The following PALLD variants were observed in gnomAD, a reference collection of about 807,000 sequenced individuals.
PALLD encodes the protein palladin.
A neutral mutation model predicts 123.5 loss-of-function variants in PALLD; 61 were observed. The ratio of observed to expected loss-of-function variants is 0.49; its 90% confidence interval spans 0.40 to 0.61. PALLD has a LOEUF of 0.61. PALLD is among the 20% of genes least tolerant of loss of function. The pLI, the probability that PALLD is intolerant of heterozygous loss-of-function variation, is 0.00. For synonymous variants in PALLD, 465 were observed against 496.4 expected, an observed-to-expected ratio of 0.94 and a Z score of 0.84; for missense variants, 1,273 against 1,377.0, an observed-to-expected ratio of 0.92 and a Z score of 1.20.
chr4:168,848,286 G>C (rs1747206610), intron 10 of PALLD, among the ~76,000 whole-genome samples: 2 of 152,010 alleles, frequency 1.3e-5, no homozygotes, highest in Non-Finnish European at 2.9e-5. Context: ...GCCTGTCCTT[G>C]ATGGCTTCTA....
intron 10 of PALLD, among the ~76,000 whole-genome samples, chr4:168,733,474 A>G (rs1324070983): frequency 1.3e-5 from 2 of 152,200 alleles, no homozygotes; most frequent in Non-Finnish European, 2.9e-5. Flanking sequence ...TGGGTTGAAA[A>G]ATATGACCAA....
chr4:168,602,020 C>T (rs1772711713), intron 2 of PALLD, among the ~76,000 whole-genome samples: 1 of 152,166 alleles, frequency 6.6e-6, no homozygotes, highest in Admixed American at 6.5e-5. Flanking sequence ...GATAATGGGG[C>T]CGGGCAACCA....
At chr4:168,761,571 C>T (rs1191687146) in intron 10 of PALLD, among the ~76,000 whole-genome samples, 1 of 151,374 alleles carries the variant, frequency 6.6e-6, no homozygotes, top group Non-Finnish European at 1.5e-5. Flanking sequence ...AGCGATTCTC[C>T]TGCCTCAGCC....
chr4:168,535,417 C>T (rs758276291), intron 2 of PALLD, among the ~76,000 whole-genome samples: 3 of 152,132 alleles, frequency 2.0e-5, no homozygotes, highest in Non-Finnish European at 2.9e-5. Flanking sequence ...ACAGTCTATA[C>T]TTTTTAATTC....
rs746597278 is a variant in PALLD, at chr4:168,785,058, C to CTTTTTTTTTTT, written c.1964+73154_1964+73164dup. Among the ~76,000 whole-genome samples, 115 of 84,798 alleles carry CTTTTTTTTTTT rather than the reference C, an allele frequency of 1.4e-3. 6 individuals are homozygous for CTTTTTTTTTTT. Among genetic ancestry groups the CTTTTTTTTTTT allele is most frequent in the African/African-American group, 3.3e-3 (65 of 19,928 alleles). 55.6% of individuals were successfully genotyped at this position (84,798 alleles called of 152,430 possible). A position where few individuals can be genotyped will look rare whatever the true frequency, so the allele number is the denominator to read the frequency against. On this transcript the variant is annotated intron_variant, in intron 10 of 21. Transcript: ENST00000505667. ...AGCCCCAGCTTTTTTCTCCCTTTTG[C>CTTTTTTTTTTT]TTTTTTTTTTTTTTTTTTTTTTTTT...
chr4:168,826,659 C>A (rs1466169809), intron 10 of PALLD, among the ~76,000 whole-genome samples: 2 of 151,986 alleles, frequency 1.3e-5, no homozygotes, highest in African/African-American at 4.8e-5. Flanking sequence ...CTGTGTTTTG[C>A]AAAAACAAAA....
At chr4:168,680,197 G>C (rs1369446278) in intron 3 of PALLD, among the ~76,000 whole-genome samples, 1 of 151,952 alleles carries the variant, frequency 6.6e-6, no homozygotes, top group Non-Finnish European at 1.5e-5. Context: ...ACTTATCCAG[G>C]CCATGTGCGG....
At chr4:168,659,519 T>A (rs1470016636) in intron 2 of PALLD, among the ~76,000 whole-genome samples, 4 of 152,174 alleles carry the variant, frequency 2.6e-5, no homozygotes, top group Non-Finnish European at 1.5e-5. Flanking sequence ...AGTGAAGTTG[T>A]GAGGAAGAAA....
At chr4:168,840,343 T>G (rs551221393) in intron 10 of PALLD, among the ~76,000 whole-genome samples, 1 of 152,268 alleles carries the variant, frequency 6.6e-6, no homozygotes, top group South Asian at 2.1e-4. Context: ...GAGAGAGTGA[T>G]ATACAAGAAC....
intron 2 of PALLD, among the ~76,000 whole-genome samples, chr4:168,558,521 C>T (rs1486949998): frequency 6.6e-6 from 1 of 152,240 alleles, no homozygotes. Context: ...CAGCAGCTCT[C>T]TCCAAGTGAG....
At chr4:168,564,091 G>A (rs1015304020) in intron 2 of PALLD, among the ~76,000 whole-genome samples, 2 of 152,220 alleles carry the variant, frequency 1.3e-5, no homozygotes, top group East Asian at 1.9e-4. Context: ...ATGAGAAGAT[G>A]AGAGTTTTAT....
At chr4:168,689,596 T>C (rs1782427162) in intron 6 of PALLD, among the ~76,000 whole-genome samples, 1 of 151,658 alleles carries the variant, frequency 6.6e-6, no homozygotes. Flanking sequence ...TACAGGTGTC[T>C]GCCACCACGA....
At chr4:168,658,790 C>T (rs1778853725) in intron 2 of PALLD, among the ~76,000 whole-genome samples, 1 of 152,190 alleles carries the variant, frequency 6.6e-6, no homozygotes, top group Admixed American at 6.5e-5. Context: ...ACTTGCTAGA[C>T]ATGAATCTGG....
chr4:168,739,044 A>T (rs1788064798), intron 10 of PALLD, among the ~76,000 whole-genome samples: 1 of 152,086 alleles, frequency 6.6e-6, no homozygotes, highest in South Asian at 2.1e-4. Flanking sequence ...CTTTGTCTGG[A>T]TTATTTCACT....
Position 168,821,958 on chromosome 4 carries a change from G to A in PALLD, c.1965-68964G>A, listed in dbSNP as rs1272628900. Among the ~76,000 whole-genome samples, 6 of 149,492 alleles carry A rather than the reference G, an allele frequency of 4.0e-5. No individual in the cohort carries two copies. The Admixed American group carries it at 4.0e-4, about 10-fold the overall frequency. ...GACTGTTGTTGAAGCCCACTGCTCT[G>A]TATAATACCCCAACACCCATTTGAA... On this transcript the variant is annotated intron_variant, in intron 10 of 21. Transcript: ENST00000505667.
At chr4:168,701,352 G>C (rs1254184053) in intron 8 of PALLD, among the ~76,000 whole-genome samples, 1 of 152,198 alleles carries the variant, frequency 6.6e-6, no homozygotes, top group African/African-American at 2.4e-5. Flanking sequence ...AATTATGCAG[G>C]GCTTCAGAGA....
intron 10 of PALLD, among the ~76,000 whole-genome samples, chr4:168,830,039 T>C (rs892736525): frequency 6.6e-6 from 1 of 152,028 alleles, no homozygotes; most frequent in East Asian, 1.9e-4. Flanking sequence ...CAAGAGCAGC[T>C]TGGCCAACAT....
chr4:168,926,065 A>C (rs1762530423), intron 21 of PALLD, 148 bp from the exon 22 acceptor site: 1 of 625,774 alleles, frequency 1.6e-6, no homozygotes, highest in Non-Finnish European at 2.6e-6. Context: ...AGTAAAATGC[A>C]AAAGTGTTCC....
At chr4:168,926,120 A>T (rs1762542192) in intron 21 of PALLD, 93 bp from the exon 22 acceptor site, 2 of 1,073,050 alleles carry the variant, frequency 1.9e-6, no homozygotes, top group East Asian at 2.6e-5. Context: ...GGTGCCTTGC[A>T]TCTATCTAGA....
Sources: allele counts gnomAD v4.1 joint callset (sites outside exome capture counted in the v4.1 genomes callset), GRCh38; gene constraint gnomAD v4.1.1; transcripts MANE v1.5; gene names NCBI Gene and HGNC (gene_info 2026-07-23, HGNC 2026-07-21).